CHRM3: variants seen among roughly 807,000 people sequenced by gnomAD.
CHRM3 encodes cholinergic receptor muscarinic 3, also known as muscarinic acetylcholine receptor M3.
CHRM3 carries 11 observed loss-of-function variants against 41.8 expected under a neutral mutation model. That is an observed-to-expected ratio of 0.26 (90% CI 0.17 to 0.44). The LOEUF (loss-of-function observed/expected upper bound fraction) is 0.44. Ranked by LOEUF, CHRM3 falls within the 20% of genes least tolerant of loss-of-function variation. The pLI is 1.00. For missense variants in CHRM3, 571 were observed against 745.4 expected (o/e 0.77, Z 2.72); for synonymous variants, 297 against 301.4 (o/e 0.99, Z 0.15).
At chr1:239,638,272 A>G (rs1670708892) in intron 4 of CHRM3, among the ~76,000 whole-genome samples, 1 of 151,696 alleles carries the variant, frequency 6.6e-6, no homozygotes, top group Non-Finnish European at 1.5e-5. Flanking sequence ...CTTTGGGTAT[A>G]TACCCAGTAA....
chr1:239,733,668 ATAAAAT>A (rs958245944), intron 5 of CHRM3, among the ~76,000 whole-genome samples: 5 of 152,078 alleles, frequency 3.3e-5, no homozygotes, highest in Non-Finnish European at 4.4e-5. Context: ...ATATTTTGAG[ATAAAAT>A]TAAAGGATGA....
chr1:239,490,779 C>G (rs559162786), intron 1 of CHRM3, among the ~76,000 whole-genome samples: 9 of 152,162 alleles, frequency 5.9e-5, no homozygotes, highest in African/African-American at 2.2e-4. Flanking sequence ...CAGGGTCTTA[C>G]TCTGTCACCT....
intron 3 of CHRM3, among the ~76,000 whole-genome samples, chr1:239,572,727 G>A (rs575355687): frequency 1.1e-4 from 17 of 152,246 alleles, no homozygotes; most frequent in African/African-American, 4.1e-4. Context: ...TTAAGTAATA[G>A]TGACACTAAA....
intron 5 of CHRM3, among the ~76,000 whole-genome samples, chr1:239,744,796 C>T (rs892964021): frequency 6.6e-6 from 1 of 152,008 alleles, no homozygotes; most frequent in Non-Finnish European, 1.5e-5. Context: ...AGTCATTGGT[C>T]CCTACTGAGT....
At chr1:239,826,385 A>G (rs1672464587) in intron 5 of CHRM3, among the ~76,000 whole-genome samples, 2 of 152,188 alleles carry the variant, frequency 1.3e-5, no homozygotes, top group Admixed American at 1.3e-4. Context: ...CGATAGGCAT[A>G]CTTGAGTATG....
At chr1:239,724,556 A>C (rs1184548584) in intron 5 of CHRM3, among the ~76,000 whole-genome samples, 1 of 152,032 alleles carries the variant, frequency 6.6e-6, no homozygotes, top group East Asian at 2.0e-4. Context: ...ATTCAGTGGG[A>C]TTATAGAGGT....
At chr1:239,440,014 A>G (rs2103244500) in intron 1 of CHRM3, among the ~76,000 whole-genome samples, 1 of 151,920 alleles carries the variant, frequency 6.6e-6, no homozygotes, top group East Asian at 1.9e-4. Context: ...CCTGACCAAC[A>G]TGGTGAAACC....
At chr1:239,704,799 A>T (rs1287183715) in intron 5 of CHRM3, 1 of 152,264 alleles carries the variant, frequency 6.6e-6, no homozygotes, top group Non-Finnish European at 1.5e-5. Flanking sequence ...GAATACATTT[A>T]TTCCAACAAG....
intron 2 of CHRM3, among the ~76,000 whole-genome samples, chr1:239,503,808 A>G (rs898126424): frequency 6.6e-6 from 1 of 152,132 alleles, no homozygotes; most frequent in Non-Finnish European, 1.5e-5. Flanking sequence ...AAAAACTTAA[A>G]TTGGGGGAAA....
chr1:239,462,995 G>T (rs948993141), intron 1 of CHRM3, among the ~76,000 whole-genome samples: 1 of 152,256 alleles, frequency 6.6e-6, no homozygotes, highest in African/African-American at 2.4e-5. Context: ...TCTAGAAAAG[G>T]CAGTTTACTT....
chr1:239,425,291 C>T (rs1272338486), intron 1 of CHRM3, among the ~76,000 whole-genome samples: 2 of 152,172 alleles, frequency 1.3e-5, no homozygotes, highest in African/African-American at 4.8e-5. Context: ...CATTTACTCA[C>T]TCAATCATTT....
At chr1:239,833,591 CGTT>C (rs1272053256) in intron 6 of CHRM3, among the ~76,000 whole-genome samples, 1 of 152,168 alleles carries the variant, frequency 6.6e-6, no homozygotes, top group Non-Finnish European at 1.5e-5. Context: ...CCCAAAACCT[CGTT>C]GTGACCAAGC....
rs78616865 is a variant in CHRM3, at chr1:239,816,077, C to G, written c.-146-11175C>G. On this transcript the variant is annotated intron_variant, in intron 5 of 6. Coordinates refer to ENST00000676153, the MANE Select transcript of CHRM3 (RefSeq NM_001375978.1). ...CAGACTTCCATGCCAGCTTATTGCC[C>G]TCACACCCTCCTCCCAATTGTCACA... Among the ~76,000 whole-genome samples the G allele has an allele frequency of 6.8e-3, 1,031 of 152,108 alleles. 19 individuals carry two copies. Among genetic ancestry groups the G allele is most frequent in the African/African-American group, 0.024 (994 of 41,484 alleles).
chr1:239,463,429 T>C (rs2147892514), intron 1 of CHRM3, among the ~76,000 whole-genome samples: 1 of 152,312 alleles, frequency 6.6e-6, no homozygotes, highest in East Asian at 1.9e-4. Flanking sequence ...CTCTGCCGTC[T>C]CACTCTAATT....
intron 3 of CHRM3, among the ~76,000 whole-genome samples, chr1:239,577,128 G>T (rs1662442669): frequency 6.6e-6 from 1 of 152,112 alleles, no homozygotes; most frequent in Admixed American, 6.5e-5. Flanking sequence ...GAATCCAGAA[G>T]CTTCTAATAG....
intron 3 of CHRM3, among the ~76,000 whole-genome samples, chr1:239,618,611 A>T (rs112861942): frequency 6.6e-6 from 1 of 151,596 alleles, no homozygotes; most frequent in South Asian, 2.1e-4. Flanking sequence ...TTGGGAGGCC[A>T]AGGCGGTCGG....
At chr1:239,606,980 T>TA (rs1406903888) in intron 3 of CHRM3, among the ~76,000 whole-genome samples, 1 of 152,172 alleles carries the variant, frequency 6.6e-6, no homozygotes, top group Non-Finnish European at 1.5e-5. Context: ...TTCTTACTCT[T>TA]ACCCCTGTGG....
chr1:239,404,716 CTAAATATATATATATATATATATATA>C lies in CHRM3; in HGVS notation c.-521+17492_-521+17517del, dbSNP rs1461022311. Among the ~76,000 whole-genome samples the C allele has an allele frequency of 8.4e-4, 21 of 24,906 alleles. 1 individual carries two copies. Among genetic ancestry groups the C allele is most frequent in the African/African-American group, 3.1e-3 (21 of 6,674 alleles). 16.3% of individuals were successfully genotyped at this position (24,906 alleles called of 152,430 possible). ...TTCCATTAAATGTATCATGCTATAT[CTAAATATATATATATATATATATATA>C]TATATATATATATATGGAAAATATG... is the stretch of plus-strand genomic sequence containing the variant. On this transcript the variant is annotated intron_variant, in intron 1 of 6. Transcript: ENST00000676153.
intron 6 of CHRM3, among the ~76,000 whole-genome samples, chr1:239,836,386 G>GT (rs148453230): frequency 0.02 from 3,026 of 151,100 alleles, 115 homozygotes; most frequent in African/African-American, 0.07. Context: ...TTCTGTTTTT[G>GT]TTTTTTTTTA....
Sources: gnomAD v4.1 joint callset for allele counts (sites outside exome capture counted in the v4.1 genomes callset) on GRCh38, gnomAD v4.1.1 for gene constraint, MANE v1.5 for transcripts, NCBI Gene and HGNC (gene_info 2026-07-23, HGNC 2026-07-21) for gene names.